The following CDH23 variants were observed in gnomAD, a reference collection of about 807,000 sequenced individuals.
The protein encoded by CDH23 is cadherin related 23.
CDH23 carries 189 observed loss-of-function variants against 317.1 expected under a neutral mutation model. The observed-to-expected ratio is 0.60, with a 90% CI of 0.53 to 0.67. The LOEUF (loss-of-function observed/expected upper bound fraction) is 0.67. Ranked by LOEUF, CDH23 falls within the 30% of genes least tolerant of loss-of-function variation. The pLI is 0.00. For missense variants in CDH23, 4,401 were observed against 4,592.4 expected (o/e 0.96, Z 1.20); for synonymous variants, 1,839 against 1,876.8 (o/e 0.98, Z 0.52).
At chr10:71,767,150 G>A (rs144325574) in intron 38 of CDH23, among the ~76,000 whole-genome samples, 1 of 152,196 alleles carries the variant, frequency 6.6e-6, no homozygotes, top group Admixed American at 6.5e-5. Context: ...CAAGGGAAAG[G>A]AGCTCTTGTT....
intron 2 of CDH23, 22 bp from the exon 3 acceptor site, chr10:71,446,296 G>C: frequency 1.2e-6 from 2 of 1,612,874 alleles, no homozygotes; most frequent in South Asian, 2.2e-5. Context: ...CTTGGCTGAC[G>C]CTCTTGTCCT....
chr10:71,408,301 T>C (rs751820597), intron 1 of CDH23, among the ~76,000 whole-genome samples: 20 of 152,244 alleles, frequency 1.3e-4, no homozygotes, highest in Non-Finnish European at 1.5e-4. Flanking sequence ...TTGTCCCCCA[T>C]GAGCTCTCAC....
At chr10:71,544,971 G>A (rs1170818680) in intron 6 of CDH23, among the ~76,000 whole-genome samples, 2 of 152,108 alleles carry the variant, frequency 1.3e-5, no homozygotes, top group Non-Finnish European at 2.9e-5. Context: ...TGTGCCCTGG[G>A]GTAACCCTGG....
At chr10:71,598,527 T>A in intron 9 of CDH23, among the ~76,000 whole-genome samples, 1 of 152,162 alleles carries the variant, frequency 6.6e-6, no homozygotes, top group Non-Finnish European at 1.5e-5. Context: ...AGAGCCTGCC[T>A]TCCCTCCTGC....
At chr10:71,685,773 T>A (rs1864850615) in intron 18 of CDH23, among the ~76,000 whole-genome samples, 1 of 152,212 alleles carries the variant, frequency 6.6e-6, no homozygotes. Flanking sequence ...AAGCAGGGCC[T>A]CTGGATGGCA....
chr10:71,625,419 A>AC (rs1861679383), intron 11 of CDH23, among the ~76,000 whole-genome samples: 3 of 143,806 alleles, frequency 2.1e-5, no homozygotes, highest in Non-Finnish European at 4.6e-5. Context: ...AAAAAAAAAA[A>AC]AAAAATGACA....
chr10:71,696,500 G>A (rs575798384), intron 22 of CDH23, among the ~76,000 whole-genome samples: 7 of 152,338 alleles, frequency 4.6e-5, no homozygotes, highest in East Asian at 1.9e-4. Flanking sequence ...TAAAGGGTGC[G>A]GTCAGGACTC....
chr10:71,757,529 C>G (rs914770641), intron 38 of CDH23: 5 of 152,430 alleles, frequency 3.3e-5, no homozygotes, highest in African/African-American at 1.2e-4. Context: ...CCAAGCGTGG[C>G]CAGTGCCTGG....
intron 3 of CDH23, among the ~76,000 whole-genome samples, chr10:71,500,436 G>A (rs1853227309): frequency 6.6e-6 from 1 of 152,180 alleles, no homozygotes; most frequent in Non-Finnish European, 1.5e-5. Context: ...TGAGCCCGCA[G>A]CCCCTTCTCT....
intron 14 of CDH23, among the ~76,000 whole-genome samples, chr10:71,660,603 C>T (rs1418877659): frequency 1.3e-5 from 2 of 152,160 alleles, no homozygotes; most frequent in Non-Finnish European, 2.9e-5. Context: ...CATCTCACTT[C>T]ACTGGTCAAA....
intron 3 of CDH23, among the ~76,000 whole-genome samples, chr10:71,452,210 TG>T (rs150940599): frequency 0.031 from 4,669 of 152,176 alleles, 253 homozygotes; most frequent in African/African-American, 0.1. Flanking sequence ...GCATGAAGCC[TG>T]GCTTGGAGAC....
chr10:71,754,241 G>A (rs568903140), intron 38 of CDH23, among the ~76,000 whole-genome samples: 29 of 152,272 alleles, frequency 1.9e-4, no homozygotes, highest in African/African-American at 6.7e-4. Context: ...GTAGGTTGTG[G>A]TGTGTTCTAG....
At chr10:71,597,938 G>A (rs187542144) in intron 9 of CDH23, among the ~76,000 whole-genome samples, 25 of 152,274 alleles carry the variant, frequency 1.6e-4, no homozygotes, top group Non-Finnish European at 2.8e-4. Context: ...GGCCCAGGCT[G>A]TGGGCAACTG....
intron 6 of CDH23, among the ~76,000 whole-genome samples, chr10:71,535,000 G>GGA (rs1403990291): frequency 1.3e-5 from 2 of 152,260 alleles, no homozygotes; most frequent in African/African-American, 4.8e-5. Flanking sequence ...TGGGCTGTCA[G>GGA]GAGAGGGCCC....
At chr10:71,635,471 T>C (rs1862223366) in intron 11 of CDH23, among the ~76,000 whole-genome samples, 1 of 152,168 alleles carries the variant, frequency 6.6e-6, no homozygotes, top group Non-Finnish European at 1.5e-5. Context: ...AAATTACCCT[T>C]AAAGAGGGAA....
Position 71,451,814 on chromosome 10 carries a change from C to T in CDH23, c.145+5419C>T, listed in dbSNP as rs546864316. Among the ~76,000 whole-genome samples the T allele has an allele frequency of 1.6e-3, 243 of 152,344 alleles. 1 individual carries two copies. Among genetic ancestry groups the T allele is most frequent in the Non-Finnish European group, 2.7e-3 (185 of 68,022 alleles). On this transcript the variant is annotated intron_variant, in intron 3 of 69. Transcript: ENST00000224721. Reference sequence around the variant, plus strand: ...GCCTAGCCCTGCGCCTGGTGTGCGCCTGGAACTTAGGGAAGGAGTGCATGT... The same window carrying T: ...GCCTAGCCCTGCGCCTGGTGTGCGCTTGGAACTTAGGGAAGGAGTGCATGT...
intron 3 of CDH23, among the ~76,000 whole-genome samples, chr10:71,506,466 C>T (rs1853645028): frequency 6.6e-6 from 1 of 152,230 alleles, no homozygotes; most frequent in African/African-American, 2.4e-5. Context: ...TATATTGTTT[C>T]TCAGGTGGGA....
At chr10:71,603,002 C>T (rs990638964) in intron 9 of CDH23, among the ~76,000 whole-genome samples, 29 of 152,174 alleles carry the variant, frequency 1.9e-4, no homozygotes, top group Non-Finnish European at 1.5e-4. Context: ...ACCAATCTTC[C>T]CCATTAGACG....
chr10:71,705,252 T>G, intron 25 of CDH23, 122 bp downstream of exon 25: 1 of 931,532 alleles, frequency 1.1e-6, no homozygotes, highest in East Asian at 2.7e-5. Context: ...AGGCACAGGC[T>G]CCCTTGTTAA....
Sources: allele counts gnomAD v4.1 joint callset (sites outside exome capture counted in the v4.1 genomes callset), GRCh38; gene constraint gnomAD v4.1.1; transcripts MANE v1.5; gene names NCBI Gene and HGNC (gene_info 2026-07-23, HGNC 2026-07-21).